RANBP2: variants seen among roughly 807,000 people sequenced by gnomAD.
RANBP2 encodes the protein E3 SUMO-protein ligase RanBP2.
Under a neutral mutation model 303.6 loss-of-function variants are expected in RANBP2, and 57 were observed. The ratio of observed to expected loss-of-function variants is 0.19; its 90% CI spans 0.15 to 0.23. The LOEUF is 0.23. Among genes scored for constraint, RANBP2 ranks in the 10% least tolerant of loss-of-function variants. RANBP2 has a pLI of 1.00. For synonymous variants in RANBP2, 1,167 were observed against 1,301.5 expected, an observed-to-expected ratio of 0.90 and a Z score of 2.23; for missense variants, 3,138 against 3,780.8, an observed-to-expected ratio of 0.83 and a Z score of 4.46.
chr2:109,735,891 A>G, the RANBP2 span, among the ~76,000 whole-genome samples: 1 of 152,206 alleles, frequency 6.6e-6, no homozygotes, highest in African/African-American at 2.4e-5. Context: ...ATTTGCACAG[A>G]AATGGAAAAT....
chr2:108,841,547 CTAATA>C, the RANBP2 span, among the ~76,000 whole-genome samples: 1 of 152,032 alleles, frequency 6.6e-6, no homozygotes, highest in African/African-American at 2.4e-5. Context: ...CTATCTGATA[CTAATA>C]TAGAGACTTC....
the RANBP2 span, among the ~76,000 whole-genome samples, chr2:109,271,789 A>G: frequency 6.6e-6 from 1 of 152,244 alleles, no homozygotes; most frequent in Non-Finnish European, 1.5e-5. Context: ...GAGGCCCACA[A>G]TGTATCTGAC....
chr2:109,349,454 A>C, the RANBP2 span, among the ~76,000 whole-genome samples: 2 of 152,066 alleles, frequency 1.3e-5, no homozygotes, highest in Admixed American at 6.5e-5. Flanking sequence ...TCCTGGGGCT[A>C]TTTTTAGGCA....
chr2:108,809,446 T>TG, the RANBP2 span, among the ~76,000 whole-genome samples: 1 of 109,218 alleles, frequency 9.2e-6, no homozygotes. Context: ...GAACATGAAA[T>TG]GTTGTGTGTG....
At chr2:108,781,945 G>A (rs1293528378) in intron 26 of RANBP2, among the ~76,000 whole-genome samples, 183 bp from the exon 27 acceptor site, 1 of 152,062 alleles carries the variant, frequency 6.6e-6, no homozygotes, top group Non-Finnish European at 1.5e-5. Flanking sequence ...TGATAAATCA[G>A]GTCTTTACTC....
At chr2:109,572,041 T>C in the RANBP2 span, among the ~76,000 whole-genome samples, 3 of 152,252 alleles carry the variant, frequency 2.0e-5, no homozygotes, top group Admixed American at 6.5e-5. Flanking sequence ...GTGCTTCATA[T>C]ATGCCAGGCA....
the RANBP2 span, among the ~76,000 whole-genome samples, chr2:108,816,872 A>T: frequency 6.6e-6 from 1 of 152,064 alleles, no homozygotes; most frequent in Non-Finnish European, 1.5e-5. Context: ...TTTAAAAAAA[A>T]TTTTTGTAGA....
intron 23 of RANBP2, among the ~76,000 whole-genome samples, chr2:108,773,637 C>A (rs1433473842): frequency 1.3e-5 from 2 of 149,456 alleles, no homozygotes; most frequent in Non-Finnish European, 3.0e-5. Flanking sequence ...AGTCAAAACC[C>A]CTCCAGGAAT....
At chr2:108,771,909 C>G in intron 21 of RANBP2, 38 bp downstream of exon 21, 1 of 1,612,048 alleles carries the variant, frequency 6.2e-7, no homozygotes, top group Non-Finnish European at 8.5e-7. Context: ...TCTGTTCCCG[C>G]TAATCTTAGT....
chr2:109,364,260 A>G, the RANBP2 span, among the ~76,000 whole-genome samples: 1 of 150,944 alleles, frequency 6.6e-6, no homozygotes, highest in African/African-American at 2.4e-5. Flanking sequence ...AACTGTGTCC[A>G]GTCTCCTAAT....
At chr2:109,483,068 A>G in the RANBP2 span, among the ~76,000 whole-genome samples, 1 of 152,192 alleles carries the variant, frequency 6.6e-6, no homozygotes, top group Admixed American at 6.5e-5. Flanking sequence ...CTCTCTAAAA[A>G]TGCGTTGCAT....
the RANBP2 span, among the ~76,000 whole-genome samples, chr2:109,570,893 C>T: frequency 6.6e-6 from 1 of 152,144 alleles, no homozygotes. Flanking sequence ...AGGTTATATA[C>T]AGTCATGTGT....
At chr2:108,762,803 A>G (rs1676823373) in intron 19 of RANBP2, among the ~76,000 whole-genome samples, 1 of 147,910 alleles carries the variant, frequency 6.8e-6, no homozygotes, top group Non-Finnish European at 1.5e-5. Flanking sequence ...TGTTACCATC[A>G]TCATCATCAT....
At chr2:109,534,286 C>A in the RANBP2 span, among the ~76,000 whole-genome samples, 2 of 152,328 alleles carry the variant, frequency 1.3e-5, no homozygotes, top group Middle Eastern at 3.4e-3. Flanking sequence ...AGCTCTGCCA[C>A]TGCCGTCTCA....
In RANBP2 at chr2:108,754,981, G is replaced by A. The variant is rs772144149; in HGVS notation, c.2279G>A (p.Gly760Asp). Residue 760 changes from glycine (G) to aspartate (D), a missense_variant, in exon 16 of 29, where the codon GGT becomes GAT. By Grantham distance (94) the Gly-to-Asp change is moderately conservative (BLOSUM62 -1). Around this residue, in one of 20 missense-constraint regions of RANBP2, gnomAD observed 194 missense variants for 197.4 expected, o/e 0.98. Coordinates refer to ENST00000283195, the MANE Select transcript of RANBP2 (RefSeq NM_006267.5). ...MQELEDYSEG[G>D]PLYKNGSLRN... Reference sequence around the variant, plus strand: ...GAACTCGAAGACTATAGTGAAGGAGGTCCTCTCTATAAAAATGGTTCTTTG... The same window carrying A: ...GAACTCGAAGACTATAGTGAAGGAGATCCTCTCTATAAAAATGGTTCTTTG... 2.2e-5 allele frequency: 36 copies of A among 1,611,670 alleles called. No homozygotes were observed. The highest frequency in any genetic ancestry group is 8.9e-5 in the East Asian group (4 of 44,852).
chr2:109,053,804 A>G, the RANBP2 span, among the ~76,000 whole-genome samples: 14 of 152,262 alleles, frequency 9.2e-5, no homozygotes, highest in Middle Eastern at 6.8e-3. Context: ...CTCCGGCTTG[A>G]AGTCTGAAAA....
the RANBP2 span, among the ~76,000 whole-genome samples, chr2:109,251,852 A>G: frequency 1.3e-5 from 2 of 152,242 alleles, no homozygotes; most frequent in South Asian, 4.1e-4. Context: ...CCTTTAAAGT[A>G]CATAATGAGT....
the RANBP2 span, among the ~76,000 whole-genome samples, chr2:109,658,291 C>T: frequency 4.0e-5 from 6 of 149,926 alleles, no homozygotes; most frequent in East Asian, 2.0e-4. Context: ...ACTAAAAATA[C>T]AAAAAATTAG....
At chr2:108,986,316 C>T in the RANBP2 span, among the ~76,000 whole-genome samples, 2 of 152,316 alleles carry the variant, frequency 1.3e-5, no homozygotes, top group East Asian at 1.9e-4. Flanking sequence ...CTTGATCCCT[C>T]GCCTCTGAGG....
Sources: gnomAD v4.1 joint callset for allele counts (sites outside exome capture counted in the v4.1 genomes callset) on GRCh38, gnomAD v4.1.1 for gene constraint, gnomAD v4.1.1 regional missense constraint, MANE v1.5 for transcripts, NCBI Gene and HGNC (gene_info 2026-07-23, HGNC 2026-07-21) for gene names.